The following ADAMTSL1 variants were observed in gnomAD, a reference collection of about 807,000 sequenced individuals.
ADAMTSL1 encodes the protein ADAMTS-like protein 1.
In ADAMTSL1, 126 loss-of-function variants were observed where a neutral mutation model predicts 201.8. The observed-to-expected ratio is 0.62, with a 90% CI of 0.54 to 0.72. The LOEUF is 0.72. ADAMTSL1 is among the 30% of genes least tolerant of loss of function. The pLI is 0.00. For missense variants in ADAMTSL1, 2,679 were observed against 2,277.8 expected (o/e 1.18, Z -3.59); for synonymous variants, 1,121 against 903.4 (o/e 1.24, Z -4.32).
At chr9:18,594,361 A>G (rs542377861) in intron 4 of ADAMTSL1, among the ~76,000 whole-genome samples, 24 of 152,292 alleles carry the variant, frequency 1.6e-4, no homozygotes, top group African/African-American at 5.8e-4. Flanking sequence ...CTGGATACTT[A>G]TAACTGTCTT....
intron 4 of ADAMTSL1, among the ~76,000 whole-genome samples, chr9:18,579,094 C>A (rs1001940375): frequency 1.3e-5 from 2 of 151,492 alleles, no homozygotes; most frequent in African/African-American, 4.9e-5. Flanking sequence ...TGGAACCAAC[C>A]CAAATGTCCA....
intron 1 of ADAMTSL1, among the ~76,000 whole-genome samples, chr9:17,956,893 ATG>A (rs1211777978): frequency 6.6e-6 from 1 of 152,182 alleles, no homozygotes; most frequent in Non-Finnish European, 1.5e-5. Flanking sequence ...TGGTTTGAAT[ATG>A]AAAGTTAAGT....
intron 1 of ADAMTSL1, among the ~76,000 whole-genome samples, chr9:18,091,921 G>T (rs1244650862): frequency 6.6e-6 from 1 of 152,024 alleles, no homozygotes; most frequent in African/African-American, 2.4e-5. Context: ...AAATCACAAA[G>T]GTCCAAGACA....
rs569219350 is a variant in ADAMTSL1, at chr9:18,035,953, G to A, written c.88-127909G>A. Among the ~76,000 whole-genome samples the A allele has an allele frequency of 2.6e-5, 4 of 152,210 alleles. No homozygotes were observed. In the East Asian group the frequency reaches 7.7e-4, roughly 29 times the overall value. ...CTATAGTGGAAAACAAATAGATTTG[G>A]TCCTTACCCCCTATCTTGCTATCTA... On this transcript the variant is annotated intron_variant, in intron 1 of 29. Transcript: ENST00000680146.
chr9:18,133,057 G>A (rs1826015362), intron 1 of ADAMTSL1, among the ~76,000 whole-genome samples: 2 of 152,106 alleles, frequency 1.3e-5, no homozygotes, highest in African/African-American at 4.8e-5. Flanking sequence ...TCAGGACTGT[G>A]GAGCCAGGGT....
rs147114735 is a variant in ADAMTSL1, at chr9:18,780,414, G to C, written c.3677+2508G>C. 2.8e-4 allele frequency among the ~76,000 whole-genome samples: 43 copies of C among 152,294 alleles called. No individual in the cohort carries two copies. The East Asian group carries it at 7.7e-3, about 27-fold the overall frequency. On this transcript the variant is annotated intron_variant, in intron 19 of 28. Coordinates refer to ENST00000380548, the MANE Select transcript of ADAMTSL1 (RefSeq NM_001040272.6). ...GTTGTGGCACAAGTTGTTTCTAAAT[G>C]CTCCACAAACAGGCTCAGTGATCAC... is the stretch of plus-strand genomic sequence containing the variant.
At chr9:17,988,503 T>C (rs529652058) in intron 1 of ADAMTSL1, among the ~76,000 whole-genome samples, 1 of 152,038 alleles carries the variant, frequency 6.6e-6, no homozygotes, top group African/African-American at 2.4e-5. Flanking sequence ...ACCAGGCCCA[T>C]GTGTTATTAG....
At chr9:18,584,955 C>T (rs539723685) in intron 4 of ADAMTSL1, among the ~76,000 whole-genome samples, 5 of 152,302 alleles carry the variant, frequency 3.3e-5, no homozygotes, top group Admixed American at 2.6e-4. Flanking sequence ...TTTGTTATAA[C>T]AGCACAAATA....
At chr9:17,946,159 G>A (rs1399677474) in intron 1 of ADAMTSL1, among the ~76,000 whole-genome samples, 1 of 149,408 alleles carries the variant, frequency 6.7e-6, no homozygotes, top group Non-Finnish European at 1.5e-5. Flanking sequence ...ACCATGCCCA[G>A]CTATTTTTTT....
rs578017394 is a variant in ADAMTSL1, at chr9:18,012,232, T to A, written c.87+105310T>A. On this transcript the variant is annotated intron_variant, in intron 1 of 29. Coordinates refer to the ADAMTSL1 transcript ENST00000680146. ...AGAAGAGTAGCTTTGGGAAGGGTGGTGGCTTCTAACAGATGGCCCACATCT... is the reference window on the plus strand; with the variant it reads ...AGAAGAGTAGCTTTGGGAAGGGTGGAGGCTTCTAACAGATGGCCCACATCT... Among the ~76,000 whole-genome samples, 5 of 152,112 alleles carry A rather than the reference T, an allele frequency of 3.3e-5. No individual in the cohort carries two copies. In the South Asian group the frequency reaches 8.3e-4, roughly 25 times the overall value.
chr9:18,457,747 A>G (rs1340042), intron 2 of ADAMTSL1, among the ~76,000 whole-genome samples: 51,575 of 152,162 alleles, frequency 0.34, 9,761 homozygotes, highest in East Asian at 0.55. Flanking sequence ...GCTGAGGAGG[A>G]AAGAGGAGTT....
intron 2 of ADAMTSL1, among the ~76,000 whole-genome samples, chr9:18,406,561 C>T (rs1462390938): frequency 6.6e-6 from 1 of 152,202 alleles, no homozygotes; most frequent in Admixed American, 6.5e-5. Context: ...AAACTCCTGA[C>T]CTCAACTGAT....
At chr9:18,495,426 C>T (rs897532584) in intron 1 of ADAMTSL1, among the ~76,000 whole-genome samples, 1 of 152,116 alleles carries the variant, frequency 6.6e-6, no homozygotes, top group African/African-American at 2.4e-5. Context: ...CAGTGATTAA[C>T]TTGTTGGTTG....
At chr9:18,485,099 A>G (rs998096760) in intron 1 of ADAMTSL1, among the ~76,000 whole-genome samples, 1 of 152,184 alleles carries the variant, frequency 6.6e-6, no homozygotes, top group Non-Finnish European at 1.5e-5. Context: ...GAGCCATGAC[A>G]ATTTTCCATC....
intron 15 of ADAMTSL1, among the ~76,000 whole-genome samples, chr9:18,744,868 G>A (rs1819044198): frequency 6.6e-6 from 1 of 152,156 alleles, no homozygotes; most frequent in Non-Finnish European, 1.5e-5. Context: ...CAGTTACTTT[G>A]TAAAACGTCT....
intron 2 of ADAMTSL1, among the ~76,000 whole-genome samples, chr9:18,365,738 C>T (rs565147800): frequency 6.6e-6 from 1 of 152,068 alleles, no homozygotes; most frequent in African/African-American, 2.4e-5. Flanking sequence ...GTGTCCATCC[C>T]CCGGGCTGTG....
chr9:18,510,818 C>G (rs1396083284), intron 2 of ADAMTSL1, among the ~76,000 whole-genome samples: 2 of 151,866 alleles, frequency 1.3e-5, no homozygotes, highest in African/African-American at 4.8e-5. Context: ...TATTTTATTT[C>G]AAATGAATTA....
intron 16 of ADAMTSL1, among the ~76,000 whole-genome samples, chr9:18,763,588 A>AT (rs75523077): frequency 2.2e-4 from 34 of 151,326 alleles, no homozygotes; most frequent in African/African-American, 3.1e-4. Context: ...GATTCCCCCA[A>AT]TTTTTTTTTG....
At chr9:18,709,485 A>G (rs941706692) in intron 14 of ADAMTSL1, among the ~76,000 whole-genome samples, 14 of 152,218 alleles carry the variant, frequency 9.2e-5, no homozygotes, top group African/African-American at 3.4e-4. Flanking sequence ...AATTGGATAG[A>G]CAGAAAAGTA....
Sources: allele counts gnomAD v4.1 joint callset (sites outside exome capture counted in the v4.1 genomes callset), GRCh38; gene constraint gnomAD v4.1.1; transcripts MANE v1.5; gene names NCBI Gene and HGNC (gene_info 2026-07-23, HGNC 2026-07-21).